KYNU: variants seen among roughly 807,000 people sequenced by gnomAD.
KYNU encodes kynureninase.
In KYNU, 54 loss-of-function variants were observed where a neutral mutation model predicts 59.2. That is an observed-to-expected ratio of 0.91 (90% CI 0.73 to 1.14). KYNU has a LOEUF of 1.14. KYNU is among the 50% of genes most tolerant of loss of function. The probability of loss-of-function intolerance (pLI) is 0.00; values close to 1 mark genes in which losing one functional copy is unlikely to be tolerated. For missense variants in KYNU, 567 were observed against 554.4 expected, an observed-to-expected ratio of 1.02 and a Z score of -0.23; for synonymous variants, 177 against 192.0, an observed-to-expected ratio of 0.92 and a Z score of 0.65.
chr2:143,000,013 C>T (rs1398696180), intron 10 of KYNU, among the ~76,000 whole-genome samples: 1 of 151,912 alleles, frequency 6.6e-6, no homozygotes, highest in Non-Finnish European at 1.5e-5. Flanking sequence ...ATTAAAATAA[C>T]AAGGTAATTA....
In KYNU at chr2:142,932,416, TC is replaced by T. The variant is rs140992404; in HGVS notation, c.373+4676del. ...TGCACGGATCATAGGGCTATTTGTT[TC>T]ACTACCTGATCTGTTAGCGCATTTC... On this transcript the variant is annotated intron_variant, in intron 4 of 13. Transcript: ENST00000264170. Among the ~76,000 whole-genome samples, 1,155 of 152,200 alleles carry T rather than the reference TC, an allele frequency of 7.6e-3. 7 individuals carry two copies. Among genetic ancestry groups the T allele is most frequent in the African/African-American group, 0.027 (1,107 of 41,506 alleles).
chr2:143,015,146 C>T lies in KYNU; in HGVS notation c.903-14481C>T, dbSNP rs149392791. Among the ~76,000 whole-genome samples, 73 of 152,240 alleles carry T rather than the reference C, an allele frequency of 4.8e-4. 2 individuals carry two copies. Among genetic ancestry groups the T allele is most frequent in the African/African-American group, 1.7e-3 (71 of 41,530 alleles). On this transcript the variant is annotated intron_variant, in intron 10 of 13. Coordinates refer to ENST00000264170, the MANE Select transcript of KYNU (RefSeq NM_003937.3). ...CTTCAAGCAATCCTCCTGTCTTGGC[C>T]TCTCAATTGATGATAAGTTTTCTAA...
Position 143,055,533 on chromosome 2 carries a change from A to G in KYNU, c.*13361A>G, listed in dbSNP as rs1687338150. ...GTCAATTGATTAGTGACCTAATTCC[A>G]TCTACAATCACAATTCCTCTTTGCC... is the stretch of plus-strand genomic sequence containing the variant. On this transcript the variant is annotated 3_prime_UTR_variant, in exon 14 of 14. Transcript: ENST00000264170. 6.6e-6 allele frequency: 1 copy of G among 152,080 alleles called. No individual in the cohort carries two copies. Among genetic ancestry groups the G allele is most frequent in the South Asian group, 2.1e-4 (1 of 4,834 alleles). The allele number at this position is 152,080 out of a possible 1,614,324, so 9.4% of individuals were successfully genotyped here.
rs555300855 is a variant in KYNU, at chr2:142,958,074, A to G, written c.582+359A>G. The G allele has an allele frequency of 1.8e-3, 442 of 250,450 alleles. 10 individuals are homozygous for G. The South Asian group carries it at 0.02, about 11-fold the overall frequency. The allele number at this position is 250,450 out of a possible 1,614,324, so 15.5% of individuals were successfully genotyped here. On this transcript the variant is annotated intron_variant, in intron 7 of 13. Transcript: ENST00000264170. ...CCATTAAAATCATGCTAAAGACCAGAATTATTTGTTAAAATGGAATCGTGA... is the reference window on the plus strand; with the variant it reads ...CCATTAAAATCATGCTAAAGACCAGGATTATTTGTTAAAATGGAATCGTGA...
At position 143,004,262 on chromosome 2, in the gene KYNU, T is replaced by C. The variant is rs186620191; in HGVS notation, c.902+18241T>C. On this transcript the variant is annotated intron_variant, in intron 10 of 13. Coordinates refer to ENST00000264170, the MANE Select transcript of KYNU (RefSeq NM_003937.3). ...AGAAACTTCACACTTTGTTTAACCATAGGCCTATGAAGTTATAGATGAATA... is the reference window on the plus strand; with the variant it reads ...AGAAACTTCACACTTTGTTTAACCACAGGCCTATGAAGTTATAGATGAATA... Among the ~76,000 whole-genome samples, 7 of 152,316 alleles carry C rather than the reference T, an allele frequency of 4.6e-5. No homozygotes were observed. The South Asian group carries it at 1.5e-3, about 32-fold the overall frequency.
At chr2:142,887,846 G>A (rs1681569848) in intron 2 of KYNU, among the ~76,000 whole-genome samples, 1 of 152,198 alleles carries the variant, frequency 6.6e-6, no homozygotes, top group South Asian at 2.1e-4. Context: ...GCACAATAAT[G>A]TGAATGTACT....
intron 10 of KYNU, among the ~76,000 whole-genome samples, chr2:143,022,944 G>A (rs1358326611): frequency 6.6e-6 from 1 of 151,826 alleles, no homozygotes; most frequent in Non-Finnish European, 1.5e-5. Context: ...CAGTGTAACT[G>A]TCATTTTATG....
rs957078666 is a variant in KYNU at position 143,053,278 on chromosome 2, G to C, written c.*11106G>C. ...TTCTGGAGGCTCCAGGGAGAACTCT[G>C]TTTTCTTACCTTTTCTGGATTCTAG... On this transcript the variant is annotated 3_prime_UTR_variant, in exon 14 of 14. Coordinates refer to ENST00000264170, the MANE Select transcript of KYNU (RefSeq NM_003937.3). 4 of 152,228 alleles carry C rather than the reference G, an allele frequency of 2.6e-5. No homozygotes were observed. Among genetic ancestry groups the C allele is most frequent in the Admixed American group, 2.6e-4 (4 of 15,276 alleles). The allele number at this position is 152,228 out of a possible 1,614,324, so 9.4% of individuals were successfully genotyped here.
At chr2:142,967,507 C>A (rs1364926240) in intron 8 of KYNU, 5 of 151,966 alleles carry the variant, frequency 3.3e-5, no homozygotes, top group East Asian at 1.9e-4. Flanking sequence ...ATAGCCCAGG[C>A]AGTTTGAATA....
intron 2 of KYNU, among the ~76,000 whole-genome samples, chr2:142,890,367 AATCTTTTTCAGAGTGTCAAACTGCC>A (rs1681673915): frequency 6.6e-6 from 1 of 152,180 alleles, no homozygotes; most frequent in Non-Finnish European, 1.5e-5. Flanking sequence ...GGACAAAGAC[AATCTTTTTCAGAGTGTCAAACTGCC>A]ATCCCAGAAA....
rs1687327445 is a variant in KYNU, at chr2:143,054,850, T to C, written c.*12678T>C. The C allele has an allele frequency of 6.6e-6, 1 of 152,170 alleles. No homozygotes were observed. Among genetic ancestry groups the C allele is most frequent in the South Asian group, 2.1e-4 (1 of 4,830 alleles). 9.4% of individuals were successfully genotyped at this position (152,170 alleles called of 1,614,324 possible). A position where few individuals can be genotyped will look rare whatever the true frequency, so the allele number is the denominator to read the frequency against. ...CCTGAATTATGAGACTGAAGAGATA[T>C]AATAAACAAATGCAATGTGTGGACT... On this transcript the variant is annotated 3_prime_UTR_variant, in exon 14 of 14. Coordinates refer to ENST00000264170, the MANE Select transcript of KYNU (RefSeq NM_003937.3).
In KYNU at chr2:143,045,593, A is replaced by G. The variant is rs895378859; in HGVS notation, c.*3421A>G. On this transcript the variant is annotated 3_prime_UTR_variant, in exon 14 of 14. Transcript: ENST00000264170. Reference sequence around the variant, plus strand: ...CTAGGTATTTTATTCTCTTTGCAGCAATTGTGAATGGGAGTTCACTCATGA... The same window carrying G: ...CTAGGTATTTTATTCTCTTTGCAGCGATTGTGAATGGGAGTTCACTCATGA... 4 of 152,158 alleles carry G rather than the reference A, an allele frequency of 2.6e-5. No individual in the cohort carries two copies. Among genetic ancestry groups the G allele is most frequent in the Non-Finnish European group, 4.4e-5 (3 of 68,062 alleles). The allele number at this position is 152,158 out of a possible 1,614,324, so 9.4% of individuals were successfully genotyped here.
chr2:143,052,798 A>T lies in KYNU; in HGVS notation c.*10626A>T, dbSNP rs1687287880. On this transcript the variant is annotated 3_prime_UTR_variant, in exon 14 of 14. Transcript: ENST00000264170. ...CCTCTGCTAGGGCAGTGAAGAAGGG[A>T]AAAGTATGGTGGGAGCCCCCATACA... The T allele has an allele frequency of 6.6e-6, 1 of 152,306 alleles. No homozygotes were observed. The highest frequency in any genetic ancestry group is 1.5e-5 in the Non-Finnish European group (1 of 68,086). The allele number at this position is 152,306 out of a possible 1,614,324, so 9.4% of individuals were successfully genotyped here.
chr2:142,910,840 T>C (rs962368456), intron 2 of KYNU, among the ~76,000 whole-genome samples: 1 of 152,176 alleles, frequency 6.6e-6, no homozygotes, highest in African/African-American at 2.4e-5. Flanking sequence ...TCTTACCCCA[T>C]TGCTTGTTTT....
intron 2 of KYNU, among the ~76,000 whole-genome samples, chr2:142,905,533 G>T (rs1203216101): frequency 1.3e-5 from 2 of 152,208 alleles, no homozygotes; most frequent in African/African-American, 4.8e-5. Context: ...AAGCTGCTAG[G>T]TTAAGGGAAT....
rs191295277 is a variant in KYNU, at chr2:142,903,265, A to C, written c.170-15344A>C. 7.7e-3 allele frequency among the ~76,000 whole-genome samples: 1,178 copies of C among 152,096 alleles called. 14 individuals carry two copies. The highest frequency in any genetic ancestry group is 0.027 in the African/African-American group (1,104 of 41,470). On this transcript the variant is annotated intron_variant, in intron 2 of 13. Coordinates refer to ENST00000264170, the MANE Select transcript of KYNU (RefSeq NM_003937.3). ...AGGTGGAATCCTTTAGTTTAACTAG[A>C]ACACGACGGGCATTATTTGCTCGTC... is the stretch of plus-strand genomic sequence containing the variant.
chr2:142,974,251 G>A (rs1329355476), intron 8 of KYNU, among the ~76,000 whole-genome samples: 1 of 152,204 alleles, frequency 6.6e-6, no homozygotes, highest in African/African-American at 2.4e-5. Context: ...AAAGTGGGCT[G>A]GAGGGGAAAG....
intron 8 of KYNU, among the ~76,000 whole-genome samples, chr2:142,980,590 T>A (rs1338102864): frequency 6.6e-6 from 1 of 152,088 alleles, no homozygotes; most frequent in Non-Finnish European, 1.5e-5. Context: ...ATCAAATGTA[T>A]GATTTATAAT....
chr2:143,034,727 T>A (rs1305540178), intron 12 of KYNU, among the ~76,000 whole-genome samples: 1 of 152,232 alleles, frequency 6.6e-6, no homozygotes, highest in Non-Finnish European at 1.5e-5. Flanking sequence ...TGAGTTGTTT[T>A]TATAGTATCC....
Sources: allele counts gnomAD v4.1 joint callset (sites outside exome capture counted in the v4.1 genomes callset), GRCh38; gene constraint gnomAD v4.1.1; transcripts MANE v1.5; gene names NCBI Gene and HGNC (gene_info 2026-07-23, HGNC 2026-07-21).